Variants in SUN5 observed in about 807,000 individuals in gnomAD.
SUN5 encodes the protein Sad1 and UNC84 domain containing 5.
A neutral mutation model predicts 53.7 loss-of-function variants in SUN5; 44 were observed. The observed-to-expected ratio is 0.82, with a 90% confidence interval of 0.64 to 1.05. SUN5 has a LOEUF of 1.05. Among genes scored for constraint, SUN5 ranks in the 50% least tolerant of loss-of-function variants. SUN5 has a pLI of 0.00. For missense variants in SUN5, 433 were observed against 483.8 expected, an observed-to-expected ratio of 0.90 and a Z score of 0.98; for synonymous variants, 166 against 179.8, an observed-to-expected ratio of 0.92 and a Z score of 0.62.
In SUN5 at chr20:32,997,680, C is replaced by T. The variant is rs749540303; in HGVS notation, c.348G>A (p.Trp116Ter). The change falls in exon 6 of 13, where the codon TGG (tryptophan) becomes TGA (stop). Residue 116 changes from tryptophan (W) to a stop codon, truncating the protein, a stop_gained. Coordinates refer to ENST00000356173, the MANE Select transcript of SUN5 (RefSeq NM_080675.4). LOFTEE classifies it high-confidence loss of function. ...TCGATGGTAAGTGAATAGAAAACATCCAGAATCCTGTGAGGCCATGAGAAT... is the reference window on the plus strand; with the variant it reads ...TCGATGGTAAGTGAATAGAAAACATTCAGAATCCTGTGAGGCCATGAGAAT... ...GILLLCAFGF[W>*]MFSIHLPSKM... 3 of 1,613,854 alleles carry T rather than the reference C, an allele frequency of 1.9e-6. No individual in the cohort carries two copies. In the East Asian group the frequency reaches 6.7e-5, roughly 36 times the overall value.
chr20:32,997,496 G>A, intron 6 of SUN5, 142 bp downstream of exon 6: 1 of 784,578 alleles, frequency 1.3e-6, no homozygotes, highest in Non-Finnish European at 2.0e-6. Flanking sequence ...ATGGTACGAT[G>A]AAGGGTGAGA....
In SUN5 at chr20:33,001,259, G is replaced by A. The variant is rs779872430; in HGVS notation, c.231C>T (p.Ala77=). 1.0e-5 allele frequency: 16 copies of A among 1,576,970 alleles called. No homozygotes were observed. Among genetic ancestry groups the A allele is most frequent in the Non-Finnish European group, 1.4e-5 (16 of 1,158,816 alleles). Residue 77 remains alanine (A), a synonymous_variant, in exon 4 of 13, where the codon GCC becomes GCT. Transcript: ENST00000356173. ...LGCVSWFTCF[A]CSLRTQAQQV... is the part of the protein sequence containing the mutation. Reference sequence around the variant, plus strand: ...GCTGGGCCTGAGTTCTCAGGGAGCAGGCAAAACAGGTGAACCAGGCTGCAC... The same window carrying A: ...GCTGGGCCTGAGTTCTCAGGGAGCAAGCAAAACAGGTGAACCAGGCTGCAC...
At chr20:33,003,192 T>C (rs1285837063) in intron 1 of SUN5, among the ~76,000 whole-genome samples, 2 of 152,318 alleles carry the variant, frequency 1.3e-5, no homozygotes, top group East Asian at 3.9e-4. Flanking sequence ...TGTCTGCTCC[T>C]ACCCAATGTG....
chr20:32,995,510 G>T, intron 8 of SUN5, 109 bp downstream of exon 8: 1 of 859,482 alleles, frequency 1.2e-6, no homozygotes, highest in South Asian at 1.6e-5. Context: ...TGGGGGATGT[G>T]CTCCCTCAAA....
chr20:32,993,047 C>T lies in SUN5; in HGVS notation c.534+2572G>A, dbSNP rs76009894. Reference sequence around the variant, plus strand: ...GCAATTCCACTCCTAGTTATATCTACCGCCAAGATCAATAAGTATATATGT... The same window carrying T: ...GCAATTCCACTCCTAGTTATATCTATCGCCAAGATCAATAAGTATATATGT... On this transcript the variant is annotated intron_variant, in intron 8 of 12. Coordinates refer to ENST00000356173, the MANE Select transcript of SUN5 (RefSeq NM_080675.4). Among the ~76,000 whole-genome samples, 1,389 of 152,174 alleles carry T rather than the reference C, an allele frequency of 9.1e-3. 23 individuals are homozygous for T. The highest frequency in any genetic ancestry group is 0.03 in the African/African-American group (1,264 of 41,516).
At chr20:32,991,833 T>C (rs1216959346) in intron 8 of SUN5, among the ~76,000 whole-genome samples, 1 of 152,232 alleles carries the variant, frequency 6.6e-6, no homozygotes, top group Non-Finnish European at 1.5e-5. Context: ...CATCACGTAA[T>C]TTTAGTTTCT....
At chr20:33,002,546 C>A (rs1393791163) in intron 3 of SUN5, 41 bp downstream of exon 3, 2 of 1,604,948 alleles carry the variant, frequency 1.2e-6, no homozygotes, top group African/African-American at 1.3e-5. Context: ...TCTCCCCAGA[C>A]CCATATTGAT....
chr20:33,001,069 G>A, intron 4 of SUN5, 143 bp downstream of exon 4: 1 of 862,300 alleles, frequency 1.2e-6, no homozygotes, highest in East Asian at 2.7e-5. Context: ...TTCTGGGGTG[G>A]GAGTGTTTGA....
chr20:32,997,729 A>G lies in SUN5; in HGVS notation c.341-42T>C, dbSNP rs73907336. 1.5e-3 allele frequency: 2,453 copies of G among 1,611,068 alleles called. 19 individuals carry two copies. The African/African-American group carries it at 0.02, about 13-fold the overall frequency. On this transcript the variant is annotated intron_variant, in intron 5 of 12. Transcript: ENST00000356173. ...ATAAGAATGAGCCATTTAACATGCA[A>G]GATGAAGAGCCTAGGTGCTGGAGTT...
rs550346434 is a variant in SUN5 at position 33,002,500 on chromosome 20, G to C, written c.211+87C>G. The C allele has an allele frequency of 1.5e-6, 2 of 1,371,392 alleles. 1 individual carries two copies. Among genetic ancestry groups the C allele is most frequent in the South Asian group, 2.4e-5 (2 of 84,164 alleles). The allele number at this position is 1,371,392 out of a possible 1,614,324, so 85.0% of individuals were successfully genotyped here. ...ACCCCTGCAGTCCAGGGCAGGCATT[G>C]CCACCCCCAGGTCAGCCTGGGCCGA... On this transcript the variant is annotated intron_variant, in intron 3 of 12. Coordinates refer to ENST00000356173, the MANE Select transcript of SUN5 (RefSeq NM_080675.4).
At chr20:33,001,831 G>C (rs1384141835) in intron 3 of SUN5, among the ~76,000 whole-genome samples, 1 of 151,916 alleles carries the variant, frequency 6.6e-6, no homozygotes, top group Non-Finnish European at 1.5e-5. Context: ...ACCACGCCCG[G>C]CTAATTTTTG....
chr20:32,996,742 T>A (rs1446489211), intron 6 of SUN5, among the ~76,000 whole-genome samples: 5 of 150,632 alleles, frequency 3.3e-5, no homozygotes, highest in Admixed American at 3.3e-4. Context: ...ATCTATCCCA[T>A]CTGCTCTTGC....
At chr20:33,001,860 G>T (rs187176000) in intron 3 of SUN5, among the ~76,000 whole-genome samples, 63 of 152,062 alleles carry the variant, frequency 4.1e-4, no homozygotes, top group Non-Finnish European at 1.6e-4. Context: ...CACTGTATTG[G>T]CCAGGTTGGT....
chr20:32,996,230 T>G (rs1256095350), intron 7 of SUN5, 94 bp downstream of exon 7: 2 of 1,314,414 alleles, frequency 1.5e-6, no homozygotes, highest in Non-Finnish European at 2.2e-6. Context: ...TTGATCTGAC[T>G]GCAGAGCCTA....
chr20:33,001,129 T>A, intron 4 of SUN5, 83 bp downstream of exon 4: 2 of 1,472,826 alleles, frequency 1.4e-6, no homozygotes, highest in Non-Finnish European at 9.3e-7. Flanking sequence ...CAAGGGGAGA[T>A]CCAAACTGAT....
At position 32,989,622 on chromosome 20, in the gene SUN5, A is replaced by G. The variant is rs752901171; in HGVS notation, c.611T>C (p.Ile204Thr). ...IEKPDFALKS[I>T]GASIDFEHTS... ...TGGTGGGGAAGGGGGTCACCTACCT[A>G]TAGACTTCAGGGCAAAGTCTGGCTT... is the stretch of plus-strand genomic sequence containing the variant. The change falls in exon 9 of 13, where the codon ATA becomes ACA. Residue 204 changes from isoleucine (I) to threonine (T), a missense_variant and splice_region_variant. Ile to Thr is a moderately conservative substitution (Grantham distance 89, BLOSUM62 -1). Transcript: ENST00000356173. 4 of 1,613,740 alleles carry G rather than the reference A, an allele frequency of 2.5e-6. No homozygotes were observed. The highest frequency in any genetic ancestry group is 2.5e-6 in the Non-Finnish European group (3 of 1,179,774).
rs1989491856 is a variant in SUN5, at chr20:32,984,866, G to A, written c.984+233C>T. On this transcript the variant is annotated intron_variant, in intron 12 of 12. Transcript: ENST00000356173. ...AAGAAACACAGCAAGAGGGCTCCTG[G>A]GCTCATCAGGAAAAAGGGGACATGG... Among the ~76,000 whole-genome samples the A allele has an allele frequency of 2.0e-5, 3 of 152,336 alleles. No homozygotes were observed. The South Asian group carries it at 6.2e-4, about 32-fold the overall frequency.
At chr20:32,999,990 G>T (rs1282191265) in intron 5 of SUN5, 84 bp downstream of exon 5, 57 of 1,565,778 alleles carry the variant, frequency 3.6e-5, no homozygotes, top group Non-Finnish European at 4.7e-5. Flanking sequence ...ACGTGGCAGT[G>T]CAGTGTCTTG....
Position 32,985,733 on chromosome 20 carries a change from C to A in SUN5, c.897+3G>T, listed in dbSNP as rs1180624914. 1 of 1,613,786 alleles carries A rather than the reference C, an allele frequency of 6.2e-7. No homozygotes were observed. The highest frequency in any genetic ancestry group is 1.7e-4 in the Middle Eastern group (1 of 6,058). On this transcript the variant is annotated splice_donor_region_variant and intron_variant, in intron 11 of 12. Transcript: ENST00000356173. The stretch of plus-strand genomic sequence containing the variant: ...GCATAGCTCCCTGCAGGGGAGTGCT[C>A]ACATAGATGACGAAGTCCTTGGGGG...
Sources: gnomAD v4.1 joint callset for allele counts (sites outside exome capture counted in the v4.1 genomes callset) on GRCh38, gnomAD v4.1.1 for gene constraint, MANE v1.5 for transcripts, NCBI Gene and HGNC (gene_info 2026-07-23, HGNC 2026-07-21) for gene names.